The following INTS6 variants were observed in gnomAD, a reference collection of about 807,000 sequenced individuals.
The protein encoded by INTS6 is DEAD box protein.
In INTS6, 16 loss-of-function variants were observed where a neutral mutation model predicts 104.9. That is an observed-to-expected ratio of 0.15 (90% confidence interval 0.10 to 0.23). The LOEUF (loss-of-function observed/expected upper bound fraction) is 0.23, where lower values mean the gene tolerates loss of function less well. Ranked by LOEUF, INTS6 falls within the 10% of genes least tolerant of loss-of-function variation. The probability of loss-of-function intolerance (pLI) is 1.00; values close to 1 mark genes in which losing one functional copy is unlikely to be tolerated. For synonymous variants in INTS6, 324 were observed against 358.7 expected (o/e 0.90, Z 1.09); for missense variants, 584 against 1,062.8 (o/e 0.55, Z 6.26).
At chr13:51,357,593 A>G (rs578226471), downstream of INTS6, among the ~76,000 whole-genome samples, 2 of 152,202 alleles carry the variant, frequency 1.3e-5, no homozygotes, top group Admixed American at 1.3e-4. Flanking sequence ...CCTTCTTGGC[A>G]TCAAATATTT....
the INTS6 span, among the ~76,000 whole-genome samples, chr13:51,341,537 G>A: frequency 6.6e-6 from 1 of 152,184 alleles, no homozygotes; most frequent in African/African-American, 2.4e-5. Context: ...GCTCCCTATG[G>A]TGTGCACATG....
intron 4 of INTS6, among the ~76,000 whole-genome samples, chr13:51,395,917 C>T (rs936355939): frequency 3.9e-5 from 6 of 152,146 alleles, no homozygotes; most frequent in African/African-American, 1.4e-4. Flanking sequence ...CCTGCCTCAG[C>T]CTCCCGAGTA....
intron 17 of INTS6, among the ~76,000 whole-genome samples, chr13:51,366,396 C>G (rs1955689738): frequency 6.6e-6 from 1 of 151,954 alleles, no homozygotes; most frequent in Non-Finnish European, 1.5e-5. Context: ...GTATAGCAAG[C>G]AGTTAAAGTT....
intron 12 of INTS6, among the ~76,000 whole-genome samples, chr13:51,377,392 A>G (rs1255761480): frequency 6.6e-6 from 1 of 152,038 alleles, no homozygotes; most frequent in Non-Finnish European, 1.5e-5. Flanking sequence ...CATTTTTGCT[A>G]TGTGCTTTTA....
At chr13:51,426,331 C>T (rs73492264) in intron 4 of INTS6, among the ~76,000 whole-genome samples, 1,598 of 152,080 alleles carry the variant, frequency 0.011, 32 homozygotes, top group African/African-American at 0.036. Context: ...GACAATATGG[C>T]ACCACATTTT....
chr13:51,429,786 AT>A (rs1477579959), intron 4 of INTS6, among the ~76,000 whole-genome samples: 10,389 of 80,306 alleles, frequency 0.13, 795 homozygotes, highest in Non-Finnish European at 0.14. Flanking sequence ...AAAAAAAAAA[AT>A]ATATATATAT....
chr13:51,386,628 G>C (rs1031064752), intron 7 of INTS6, among the ~76,000 whole-genome samples: 5 of 152,018 alleles, frequency 3.3e-5, no homozygotes, highest in Non-Finnish European at 7.4e-5. Context: ...GTTTCAAAAA[G>C]GTTTTGTTGT....
chr13:51,361,930 A>C lies in INTS6; in HGVS notation c.*3822T>G. The C allele has an allele frequency of 6.2e-7, 1 of 1,611,968 alleles. No homozygotes were observed. The highest frequency in any genetic ancestry group is 8.5e-7 in the Non-Finnish European group (1 of 1,178,660). ...TTTTTTGACAGGATTCAGATAATTT[A>C]TCAGTGTCTCTCTAGCAACAAGGGC... On this transcript the variant is annotated 3_prime_UTR_variant, in exon 18 of 18. Coordinates refer to ENST00000311234, the MANE Select transcript of INTS6 (RefSeq NM_012141.3).
At chr13:51,335,446 G>A in the INTS6 span, among the ~76,000 whole-genome samples, 2 of 152,168 alleles carry the variant, frequency 1.3e-5, no homozygotes, top group Non-Finnish European at 1.5e-5. Context: ...AATGAGATAC[G>A]ACTTTGCATC....
chr13:51,427,228 T>G (rs896448598), intron 4 of INTS6, among the ~76,000 whole-genome samples: 22 of 152,092 alleles, frequency 1.4e-4, no homozygotes, highest in Admixed American at 1.3e-4. Flanking sequence ...TATGTACACA[T>G]ATCTCTAATG....
rs1377894071 is a variant in INTS6, at chr13:51,365,107, C to G, written c.*645G>C. 6.6e-6 allele frequency: 1 copy of G among 152,424 alleles called. No homozygotes were observed. Among genetic ancestry groups the G allele is most frequent in the Non-Finnish European group, 1.5e-5 (1 of 67,938 alleles). The allele number at this position is 152,424 out of a possible 1,614,324, so 9.4% of individuals were successfully genotyped here. A position where few individuals can be genotyped will look rare whatever the true frequency, so the allele number is the denominator to read the frequency against. The stretch of plus-strand genomic sequence containing the variant: ...TGTAATTACAGTTAGGCTTAACAAA[C>G]ATGAACTTCAAGTGGTGTATTTTTC... On this transcript the variant is annotated 3_prime_UTR_variant, in exon 18 of 18. Coordinates refer to ENST00000311234, the MANE Select transcript of INTS6 (RefSeq NM_012141.3).
At position 51,449,365 on chromosome 13, in the gene INTS6, T is replaced by C. The variant is rs562054216; in HGVS notation, c.339+1660A>G. 1.7e-4 allele frequency: 110 copies of C among 652,412 alleles called. No individual in the cohort carries two copies. The African/African-American group carries it at 2.0e-3, about 12-fold the overall frequency. 40.4% of individuals were successfully genotyped at this position (652,412 alleles called of 1,614,324 possible). On this transcript the variant is annotated intron_variant, in intron 3 of 17. Transcript: ENST00000311234. ...TCCCGCAAACTTTTGGTAAGCCTTA[T>C]AGACAAGAACTAAAGTGTTCTCTGG...
chr13:51,381,310 T>TAA (rs1248073902), intron 10 of INTS6, among the ~76,000 whole-genome samples: 2 of 152,208 alleles, frequency 1.3e-5, no homozygotes, highest in Admixed American at 6.5e-5. Flanking sequence ...CACTCGAGGT[T>TAA]AAAAGCCTAA....
chr13:51,341,387 GTT>G, the INTS6 span: 2 of 1,533,404 alleles, frequency 1.3e-6, no homozygotes, highest in Non-Finnish European at 1.8e-6. Context: ...TTACCCTCCT[GTT>G]CACACTCACA....
intron 3 of INTS6, chr13:51,449,721 TAA>T (rs1436470751): frequency 1.3e-5 from 13 of 985,162 alleles, no homozygotes; most frequent in Non-Finnish European, 1.6e-5. Flanking sequence ...CAAAGGAATA[TAA>T]AAGAGAAGGA....
At chr13:51,391,249 C>T (rs1956241928) in intron 5 of INTS6, among the ~76,000 whole-genome samples, 1 of 151,908 alleles carries the variant, frequency 6.6e-6, no homozygotes, top group South Asian at 2.1e-4. Context: ...AAGCATATTC[C>T]TAAGATGTCA....
Position 51,404,063 on chromosome 13 carries a change from TACACACACACACACAC to T in INTS6, c.430-8596_430-8581del, listed in dbSNP as rs71085082. ...CATAGTGAGATCCTATCTCTACAAA[TACACACACACACACAC>T]ACACACACACACACACACACACACA... On this transcript the variant is annotated intron_variant, in intron 4 of 17. Coordinates refer to ENST00000311234, the MANE Select transcript of INTS6 (RefSeq NM_012141.3). Among the ~76,000 whole-genome samples, 8 of 109,646 alleles carry T rather than the reference TACACACACACACACAC, an allele frequency of 7.3e-5. No individual in the cohort carries two copies. The East Asian group carries it at 8.1e-4, about 11-fold the overall frequency. The allele number at this position is 109,646 out of a possible 152,430, so 71.9% of individuals were successfully genotyped here.
chr13:51,354,628 T>G (rs1955452584), intron 3 of INTS6, among the ~76,000 whole-genome samples: 1 of 150,236 alleles, frequency 6.7e-6, no homozygotes, highest in African/African-American at 2.4e-5. Context: ...TGAATTGGGA[T>G]AGCCACTTTT....
intron 3 of INTS6, 22 bp downstream of exon 3, chr13:51,451,003 G>A: frequency 6.8e-7 from 1 of 1,475,772 alleles, no homozygotes; most frequent in Non-Finnish European, 9.0e-7. Context: ...CAACTATTTT[G>A]CCACCTTATT....
Sources: allele counts gnomAD v4.1 joint callset (sites outside exome capture counted in the v4.1 genomes callset), GRCh38; gene constraint gnomAD v4.1.1; transcripts MANE v1.5; gene names NCBI Gene and HGNC (gene_info 2026-07-23, HGNC 2026-07-21).